The following SHANK2 variants were observed in gnomAD, a reference collection of about 807,000 sequenced individuals.
The protein encoded by SHANK2 is SH3 and multiple ankyrin repeat domains protein 2.
SHANK2 carries 43 observed loss-of-function variants against 133.7 expected under a neutral mutation model. The ratio of observed to expected loss-of-function variants is 0.32; its 90% CI spans 0.25 to 0.41. The LOEUF (loss-of-function observed/expected upper bound fraction) is 0.41, where lower values mean the gene tolerates loss of function less well. Ranked by LOEUF, SHANK2 falls within the 10% of genes least tolerant of loss-of-function variation. SHANK2 has a pLI of 1.00. For synonymous variants in SHANK2, 1,017 were observed against 952.8 expected, an observed-to-expected ratio of 1.07 and a Z score of -1.24; for missense variants, 1,994 against 2,235.8, an observed-to-expected ratio of 0.89 and a Z score of 2.18.
intron 14 of SHANK2, among the ~76,000 whole-genome samples, chr11:70,744,205 C>A (rs1555035410): frequency 6.6e-6 from 1 of 152,238 alleles, no homozygotes; most frequent in African/African-American, 2.4e-5. Context: ...CCCCCATGGC[C>A]GAGGCTTTAG....
intron 14 of SHANK2, among the ~76,000 whole-genome samples, chr11:70,749,339 CAAAAGCTTAAATGAGTGATCTGAGACTTT>C (rs1565290154): frequency 1.3e-5 from 2 of 152,202 alleles, no homozygotes. Context: ...AGGAGTGGAG[CAAAAGCTTAAATGAGTGATCTGAGACTTT>C]AACCACTGAA....
rs1344769994 is a variant in SHANK2 at position 70,705,000 on chromosome 11, T to C, written c.1778-6237A>G. Among the ~76,000 whole-genome samples, 7 of 152,312 alleles carry C rather than the reference T, an allele frequency of 4.6e-5. No homozygotes were observed. The East Asian group carries it at 1.4e-3, about 29-fold the overall frequency. ...ACCCCCACCCACCAGCATTGTCTTT[T>C]TGTCCTTGGGCATGGCCACCAAAAC... On this transcript the variant is annotated intron_variant, in intron 14 of 25. Coordinates refer to ENST00000601538, the MANE Select transcript of SHANK2 (RefSeq NM_012309.5).
chr11:70,613,177 A>G (rs2060685817), intron 17 of SHANK2, among the ~76,000 whole-genome samples: 1 of 152,134 alleles, frequency 6.6e-6, no homozygotes, highest in South Asian at 2.1e-4. Flanking sequence ...AAGAGGTTGC[A>G]AGATTTGGGA....
chr11:71,092,393 C>T, intron 8 of SHANK2, 29 bp downstream of exon 8: 1 of 1,550,528 alleles, frequency 6.4e-7, no homozygotes, highest in South Asian at 1.2e-5. Context: ...TTCGTGGGTA[C>T]AACAGAGTGG....
intron 10 of SHANK2, among the ~76,000 whole-genome samples, chr11:70,940,193 T>TCCCCCCTC (rs1950625325): frequency 6.6e-5 from 1 of 15,102 alleles, no homozygotes; most frequent in Non-Finnish European, 1.8e-4. Flanking sequence ...CTTACTTCCT[T>TCCCCCCTC]CCTTCCTGCC....
intron 15 of SHANK2, among the ~76,000 whole-genome samples, chr11:70,670,298 G>C (rs78150713): frequency 6.6e-6 from 1 of 152,238 alleles, no homozygotes; most frequent in Non-Finnish European, 1.5e-5. Flanking sequence ...TCCAGGGAAC[G>C]GTGATGGCAG....
intron 11 of SHANK2, among the ~76,000 whole-genome samples, chr11:70,887,170 T>C (rs1949760360): frequency 6.6e-6 from 1 of 152,214 alleles, no homozygotes; most frequent in Non-Finnish European, 1.5e-5. Flanking sequence ...TCTTGCTATT[T>C]GGGATCTCCA....
At chr11:70,943,715 G>T (rs558225490) in intron 10 of SHANK2, among the ~76,000 whole-genome samples, 11 of 152,284 alleles carry the variant, frequency 7.2e-5, no homozygotes, top group Admixed American at 3.3e-4. Flanking sequence ...TAATATTAAA[G>T]ATTTTCTCTA....
At chr11:70,527,961 G>C (rs549224636) in intron 17 of SHANK2, among the ~76,000 whole-genome samples, 1 of 152,248 alleles carries the variant, frequency 6.6e-6, no homozygotes, top group Non-Finnish European at 1.5e-5. Context: ...ATGGTGGTGA[G>C]AGGGAGGGGC....
chr11:70,863,435 G>A (rs782011919), intron 11 of SHANK2: 15 of 457,616 alleles, frequency 3.3e-5, no homozygotes, highest in Non-Finnish European at 4.8e-5. Flanking sequence ...GCCCTGGGAC[G>A]CCTGTGAACT....
intron 25 of SHANK2, among the ~76,000 whole-genome samples, chr11:70,478,705 G>C (rs1460101700): frequency 1.3e-5 from 2 of 152,238 alleles, no homozygotes; most frequent in African/African-American, 2.4e-5. Context: ...CCAGCTCTGA[G>C]TGCCATGAGG....
chr11:70,584,336 G>C (rs183333638), intron 17 of SHANK2, among the ~76,000 whole-genome samples: 89 of 152,276 alleles, frequency 5.8e-4, no homozygotes, highest in African/African-American at 2.0e-3. Context: ...TTCTCTTTCT[G>C]ATGCTCTGGC....
At chr11:71,144,755 C>A (rs1952614526) in intron 3 of SHANK2, among the ~76,000 whole-genome samples, 1 of 152,156 alleles carries the variant, frequency 6.6e-6, no homozygotes, top group Non-Finnish European at 1.5e-5. Context: ...TGGAAAAAGT[C>A]TCTTGTGACA....
chr11:70,729,261 C>T (rs549839345), intron 14 of SHANK2, among the ~76,000 whole-genome samples: 2 of 151,578 alleles, frequency 1.3e-5, no homozygotes, highest in East Asian at 1.9e-4. Context: ...AACACAGATG[C>T]GTCTCAGGAA....
chr11:70,941,428 T>C (rs1205188350), intron 10 of SHANK2, among the ~76,000 whole-genome samples: 1 of 152,208 alleles, frequency 6.6e-6, no homozygotes, highest in Admixed American at 6.5e-5. Flanking sequence ...AACTACTTAA[T>C]ACTCCTGACC....
At chr11:70,592,784 T>C (rs6592641) in intron 17 of SHANK2, among the ~76,000 whole-genome samples, 118,431 of 151,992 alleles carry the variant, frequency 0.78, 46,433 homozygotes, top group East Asian at 0.92. Context: ...CGGATTCCCA[T>C]CCATGCTCCT....
chr11:71,220,559 A>G (rs1380272423), intron 2 of SHANK2, among the ~76,000 whole-genome samples: 3 of 152,174 alleles, frequency 2.0e-5, no homozygotes, highest in Admixed American at 2.0e-4. Flanking sequence ...ACGCATAAAC[A>G]AGGTGTGGTC....
chr11:70,911,129 T>C (rs1555078940), intron 10 of SHANK2: 1 of 456,692 alleles, frequency 2.2e-6, no homozygotes, highest in Admixed American at 2.3e-5. Context: ...TTCCCCTAAT[T>C]TTTTGTACTG....
chr11:70,637,856 C>T (rs2061126233), intron 17 of SHANK2, among the ~76,000 whole-genome samples: 2 of 152,354 alleles, frequency 1.3e-5, no homozygotes, highest in South Asian at 4.1e-4. Flanking sequence ...ACCAGTGAGT[C>T]TACCCAGTGA....
Sources: gnomAD v4.1 joint callset for allele counts (sites outside exome capture counted in the v4.1 genomes callset) on GRCh38, gnomAD v4.1.1 for gene constraint, MANE v1.5 for transcripts, NCBI Gene and HGNC (gene_info 2026-07-23, HGNC 2026-07-21) for gene names.